RPS6KA3: variants seen among roughly 807,000 people sequenced by gnomAD.
The protein encoded by RPS6KA3 is ribosomal protein S6 kinase alpha-3.
A neutral mutation model predicts 67.2 loss-of-function variants in RPS6KA3; 4 were observed. That is an observed-to-expected ratio of 0.06 (90% CI 0.03 to 0.14). RPS6KA3 has a LOEUF of 0.14. Among genes scored for constraint, RPS6KA3 ranks in the 10% least tolerant of loss-of-function variants. The probability of loss-of-function intolerance (pLI) is 1.00; values close to 1 mark genes in which losing one functional copy is unlikely to be tolerated. For synonymous variants in RPS6KA3, 182 were observed against 183.7 expected (o/e 0.99, Z 0.07); for missense variants, 204 against 559.0 (o/e 0.36, Z 6.40).
At chrX:20,217,151 C>A (rs944352486) in intron 2 of RPS6KA3, among the ~76,000 whole-genome samples, 3 of 111,536 alleles carry the variant, frequency 2.7e-5, no homozygotes, top group African/African-American at 9.8e-5. Context: ...CTTTTGGTGT[C>A]CCTCAGTCAC....
intron 4 of RPS6KA3, among the ~76,000 whole-genome samples, chrX:20,198,908 G>T (rs1011434877): frequency 9.0e-6 from 1 of 110,818 alleles, no homozygotes; most frequent in African/African-American, 3.3e-5. Flanking sequence ...GTCTTGCCCC[G>T]TCGCCCAGGC....
At chrX:20,207,302 G>A (rs2068596062) in intron 3 of RPS6KA3, among the ~76,000 whole-genome samples, 1 of 111,646 alleles carries the variant, frequency 9.0e-6, no homozygotes, top group Admixed American at 9.5e-5. Context: ...CATCAAGAAC[G>A]CTTCCCAAGT....
At chrX:20,166,977 CAA>C (rs947633863) in intron 17 of RPS6KA3, among the ~76,000 whole-genome samples, 4 of 110,679 alleles carry the variant, frequency 3.6e-5, no homozygotes, top group African/African-American at 1.3e-4. Context: ...CTTGGCCTCC[CAA>C]AGTGCTGGGA....
At chrX:20,193,697 A>G in intron 6 of RPS6KA3, 104 bp from the exon 7 acceptor site, 1 of 480,542 alleles carries the variant, frequency 2.1e-6, no homozygotes, top group Non-Finnish European at 3.5e-6. Context: ...TATAAATATG[A>G]TAATTATACA....
At chrX:20,241,434 A>C (rs1279395953) in intron 1 of RPS6KA3, among the ~76,000 whole-genome samples, 1 of 110,185 alleles carries the variant, frequency 9.1e-6, no homozygotes, top group Non-Finnish European at 1.9e-5. Context: ...TAAATGAAAA[A>C]AAAAAGAAAG....
At chrX:20,180,994 GAC>G (rs1172485770) in intron 10 of RPS6KA3, among the ~76,000 whole-genome samples, 3 of 111,832 alleles carry the variant, frequency 2.7e-5, no homozygotes, top group Non-Finnish European at 1.9e-5. Context: ...CAACTGTAAA[GAC>G]ACAGTTTTGA....
chrX:20,258,287 A>AT (rs1308404469), intron 1 of RPS6KA3, among the ~76,000 whole-genome samples: 1 of 111,769 alleles, frequency 8.9e-6, no homozygotes, highest in Non-Finnish European at 1.9e-5. Flanking sequence ...TGATCCAGAA[A>AT]TTTTTTGTGA....
intron 4 of RPS6KA3, among the ~76,000 whole-genome samples, chrX:20,200,807 C>G (rs1450117985): frequency 9.0e-6 from 1 of 110,927 alleles, no homozygotes; most frequent in Non-Finnish European, 1.9e-5. Context: ...TTAGCCCCCC[C>G]AGTCAGCTGG....
intron 1 of RPS6KA3, among the ~76,000 whole-genome samples, chrX:20,260,361 G>A (rs192101345): frequency 9.8e-5 from 11 of 111,734 alleles, no homozygotes; most frequent in African/African-American, 3.6e-4. Flanking sequence ...ATTAAACTAT[G>A]ACATCCCATG....
At chrX:20,261,301 G>A (rs2070221930) in intron 1 of RPS6KA3, among the ~76,000 whole-genome samples, 1 of 112,138 alleles carries the variant, frequency 8.9e-6, no homozygotes, top group Non-Finnish European at 1.9e-5. Context: ...AGTTAAAAGA[G>A]AGGATTTGAA....
rs1258505524 is a variant in RPS6KA3, at chrX:20,155,496, C to A, written c.2125G>T (p.Ala709Ser). Residue 709 changes from alanine (A) to serine (S), a missense_variant, in exon 22 of 22, where the codon GCT (alanine) becomes TCT (serine). This residue lies in a region of RPS6KA3 where 73 missense variants were observed against 241.1 expected (regional missense o/e 0.30). Transcript: ENST00000379565. ...VKGAMAATYS[A>S]LNRNQSPVLE... Reference sequence around the variant, plus strand: ...ACTGGTGACTGATTACGGTTCAAAGCAGAATATGTAGCTGCCATGGCACCC... The same window carrying A: ...ACTGGTGACTGATTACGGTTCAAAGAAGAATATGTAGCTGCCATGGCACCC... The A allele has an allele frequency of 8.3e-7, 1 of 1,209,178 alleles. No homozygotes were observed.
chrX:20,244,649 C>T (rs1429709825), intron 1 of RPS6KA3, among the ~76,000 whole-genome samples: 1 of 112,190 alleles, frequency 8.9e-6, no homozygotes, highest in African/African-American at 3.2e-5. Context: ...TAATTAAATT[C>T]AAGTTCAAAT....
At chrX:20,203,785 T>G (rs890513387) in intron 4 of RPS6KA3, 2 of 354,944 alleles carry the variant, frequency 5.6e-6, no homozygotes, top group Admixed American at 4.7e-5. Context: ...TGTTTACTTG[T>G]ATAAAACTCA....
chrX:20,193,698 T>C, intron 6 of RPS6KA3, 105 bp from the exon 7 acceptor site: 1 of 480,762 alleles, frequency 2.1e-6, no homozygotes, highest in South Asian at 3.2e-5. Flanking sequence ...ATAAATATGA[T>C]AATTATACAT....
intron 2 of RPS6KA3, chrX:20,218,996 G>A (rs2068925704): frequency 4.7e-6 from 2 of 427,362 alleles, no homozygotes; most frequent in South Asian, 4.7e-5. Flanking sequence ...AAAAGAGGCC[G>A]GACAATTTTC....
intron 1 of RPS6KA3, among the ~76,000 whole-genome samples, chrX:20,239,978 T>C (rs963354253): frequency 9.0e-6 from 1 of 111,609 alleles, no homozygotes; most frequent in South Asian, 3.6e-4. Context: ...AGGCTGCTGT[T>C]TGATACCTCT....
At chrX:20,243,773 C>T (rs1300696182) in intron 1 of RPS6KA3, among the ~76,000 whole-genome samples, 1 of 110,569 alleles carries the variant, frequency 9.0e-6, no homozygotes, top group Admixed American at 9.6e-5. Context: ...GGATTACAAG[C>T]GTGAGCCACC....
At chrX:20,158,205 A>G (rs1188360425) in intron 20 of RPS6KA3, among the ~76,000 whole-genome samples, 1 of 108,179 alleles carries the variant, frequency 9.2e-6, no homozygotes, top group African/African-American at 3.4e-5. Flanking sequence ...TCTCTACAAA[A>G]AATTTAAAAA....
intron 1 of RPS6KA3, among the ~76,000 whole-genome samples, chrX:20,264,439 G>A (rs1431346655): frequency 8.9e-6 from 1 of 112,172 alleles, no homozygotes; most frequent in Non-Finnish European, 1.9e-5. Flanking sequence ...CAGCTACCCT[G>A]ATATAAAACG....
Sources: allele counts gnomAD v4.1 joint callset (sites outside exome capture counted in the v4.1 genomes callset), GRCh38; gene constraint gnomAD v4.1.1; regional missense constraint gnomAD v4.1.1; transcripts MANE v1.5; gene names NCBI Gene and HGNC (gene_info 2026-07-23, HGNC 2026-07-21).